The following DOCK4 variants were observed in gnomAD, a reference collection of about 807,000 sequenced individuals.
The protein encoded by DOCK4 is dedicator of cytokinesis protein 4.
In DOCK4, 97 loss-of-function variants were observed where a neutral mutation model predicts 268.1. The ratio of observed to expected loss-of-function variants is 0.36; its 90% confidence interval spans 0.31 to 0.43. DOCK4 has a LOEUF of 0.43. DOCK4 is among the 20% of genes least tolerant of loss of function. DOCK4 has a pLI of 1.00. For missense variants in DOCK4, 2,145 were observed against 2,455.7 expected, an observed-to-expected ratio of 0.87 and a Z score of 2.67; for synonymous variants, 954 against 887.2, an observed-to-expected ratio of 1.08 and a Z score of -1.34.
At chr7:112,077,517 G>A (rs956827369) in intron 1 of DOCK4, among the ~76,000 whole-genome samples, 5 of 152,198 alleles carry the variant, frequency 3.3e-5, no homozygotes, top group African/African-American at 1.2e-4. Flanking sequence ...GTGTGCTTAA[G>A]AGTGATGGAA....
At chr7:111,841,953 G>A (rs1478716894) in intron 25 of DOCK4, among the ~76,000 whole-genome samples, 1 of 152,206 alleles carries the variant, frequency 6.6e-6, no homozygotes, top group Non-Finnish European at 1.5e-5. Context: ...CTGATCTCAG[G>A]CAATCTTTAA....
chr7:111,883,200 A>C (rs1009772379), intron 16 of DOCK4, among the ~76,000 whole-genome samples: 2 of 152,178 alleles, frequency 1.3e-5, no homozygotes, highest in Non-Finnish European at 2.9e-5. Flanking sequence ...GTTTAGGCAA[A>C]GTAATGTTCT....
At chr7:111,953,422 T>C (rs1796213517) in intron 8 of DOCK4, among the ~76,000 whole-genome samples, 1 of 152,114 alleles carries the variant, frequency 6.6e-6, no homozygotes, top group African/African-American at 2.4e-5. Flanking sequence ...AAACGTAAGG[T>C]GATCTGAATT....
At chr7:111,751,402 CCCTT>C (rs1164027788) in intron 42 of DOCK4, among the ~76,000 whole-genome samples, 1 of 152,102 alleles carries the variant, frequency 6.6e-6, no homozygotes, top group Non-Finnish European at 1.5e-5. Flanking sequence ...CAATGCATGG[CCCTT>C]ATTTAAATCT....
At chr7:111,735,218 A>C (rs975031460) in intron 50 of DOCK4, 51 bp from the exon 51 acceptor site, 16 of 1,207,376 alleles carry the variant, frequency 1.3e-5, no homozygotes, top group Non-Finnish European at 1.8e-5. Flanking sequence ...TTGCCCTTCC[A>C]ATGCTTGAGA....
intron 4 of DOCK4, among the ~76,000 whole-genome samples, chr7:111,997,322 A>C (rs1279674200): frequency 1.3e-5 from 2 of 152,236 alleles, no homozygotes. Flanking sequence ...TATTAGAATT[A>C]GAATTATGCT....
intron 26 of DOCK4, among the ~76,000 whole-genome samples, chr7:111,834,293 T>C (rs988168171): frequency 6.6e-6 from 1 of 152,220 alleles, no homozygotes. Context: ...AGTTAATCTA[T>C]TTGTTTTTAT....
At chr7:112,157,175 G>A (rs775372268) in intron 1 of DOCK4, among the ~76,000 whole-genome samples, 31 of 151,646 alleles carry the variant, frequency 2.0e-4, no homozygotes, top group South Asian at 6.3e-4. Flanking sequence ...TTTCTTTCCC[G>A]TCATTTGAGA....
intron 35 of DOCK4, among the ~76,000 whole-genome samples, chr7:111,781,082 T>C (rs1585966173): frequency 6.6e-6 from 1 of 152,202 alleles, no homozygotes; most frequent in African/African-American, 2.4e-5. Context: ...TCCAAGGAAG[T>C]GATCTCTTCT....
chr7:111,879,244 G>A (rs1807173968), intron 16 of DOCK4, among the ~76,000 whole-genome samples: 1 of 152,014 alleles, frequency 6.6e-6, no homozygotes, highest in African/African-American at 2.4e-5. Context: ...CAACTTCCTT[G>A]AAGGGAAGGA....
chr7:112,058,024 A>AT (rs67991598), intron 1 of DOCK4, among the ~76,000 whole-genome samples: 15,222 of 114,940 alleles, frequency 0.13, 1,509 homozygotes, highest in East Asian at 0.32. Context: ...TACAGGTTCA[A>AT]TTTTTTTTTT....
intron 8 of DOCK4, among the ~76,000 whole-genome samples, chr7:111,962,097 GTTC>G (rs1050900645): frequency 1.1e-4 from 16 of 151,598 alleles, no homozygotes; most frequent in Non-Finnish European, 1.9e-4. Context: ...CTTTCTCTTT[GTTC>G]TTCCATTGCG....
At chr7:111,919,295 G>T (rs1792898579) in intron 12 of DOCK4, among the ~76,000 whole-genome samples, 1 of 152,054 alleles carries the variant, frequency 6.6e-6, no homozygotes, top group South Asian at 2.1e-4. Flanking sequence ...GACAGATGGA[G>T]GGGGAGTAAT....
chr7:112,013,723 A>C (rs1801559097), intron 1 of DOCK4, among the ~76,000 whole-genome samples: 1 of 152,224 alleles, frequency 6.6e-6, no homozygotes, highest in Admixed American at 6.5e-5. Context: ...AGCTTTTGCA[A>C]GTCACAGGGG....
intron 30 of DOCK4, among the ~76,000 whole-genome samples, chr7:111,793,780 C>A (rs1200038404): frequency 1.3e-5 from 2 of 152,090 alleles, no homozygotes; most frequent in Non-Finnish European, 2.9e-5. Context: ...CTTTGGGAGG[C>A]CAAGGCAGGA....
At chr7:112,010,152 A>T (rs1801170521) in intron 1 of DOCK4, among the ~76,000 whole-genome samples, 1 of 152,184 alleles carries the variant, frequency 6.6e-6, no homozygotes, top group African/African-American at 2.4e-5. Context: ...ACTTTAGTTC[A>T]TGAAATGGAG....
At chr7:111,731,185 C>T (rs373727101) in intron 52 of DOCK4, among the ~76,000 whole-genome samples, 11 of 152,282 alleles carry the variant, frequency 7.2e-5, no homozygotes, top group African/African-American at 2.2e-4. Flanking sequence ...CACTTACCCG[C>T]GAATTTCTAC....
chr7:111,870,072 G>A (rs1434667322), intron 20 of DOCK4, among the ~76,000 whole-genome samples: 1 of 152,096 alleles, frequency 6.6e-6, no homozygotes, highest in East Asian at 1.9e-4. Flanking sequence ...AAACGGGGTG[G>A]GAAGGAGGGA....
intron 8 of DOCK4, among the ~76,000 whole-genome samples, chr7:111,951,866 T>C (rs1319978971): frequency 6.6e-6 from 1 of 151,214 alleles, no homozygotes; most frequent in Non-Finnish European, 1.5e-5. Flanking sequence ...AGACCTTGTC[T>C]CAAAAAAAAG....
Sources: allele counts gnomAD v4.1 joint callset (sites outside exome capture counted in the v4.1 genomes callset), GRCh38; gene constraint gnomAD v4.1.1; transcripts MANE v1.5; gene names NCBI Gene and HGNC (gene_info 2026-07-23, HGNC 2026-07-21).